Variants in RSPO3 observed in about 807,000 individuals in gnomAD.
RSPO3 encodes R-spondin-3.
In RSPO3, 17 loss-of-function variants were observed where a neutral mutation model predicts 36.5. The observed-to-expected ratio is 0.47, with a 90% CI of 0.32 to 0.70. RSPO3 has a LOEUF of 0.70. Ranked by LOEUF, RSPO3 falls within the 30% of genes least tolerant of loss-of-function variation. RSPO3 has a pLI of 0.04. For synonymous variants in RSPO3, 108 were observed against 107.0 expected, an observed-to-expected ratio of 1.01 and a Z score of -0.06; for missense variants, 294 against 322.5, an observed-to-expected ratio of 0.91 and a Z score of 0.68.
Position 127,155,455 on chromosome 6 carries a change from A to T in RSPO3, c.634+17A>T. ...GAGAACGAGGTACAATCATAATAAC[A>T]AAATGTGCTTGTTTGAATCCTCATA... On this transcript the variant is annotated intron_variant, in intron 4 of 4. Transcript: ENST00000356698. 1 of 1,604,792 alleles carries T rather than the reference A, an allele frequency of 6.2e-7. No individual in the cohort carries two copies. The highest frequency in any genetic ancestry group is 8.5e-7 in the Non-Finnish European group (1 of 1,172,644).
At chr6:127,174,500 T>C (rs1358470423) in intron 4 of RSPO3, among the ~76,000 whole-genome samples, 2 of 151,882 alleles carry the variant, frequency 1.3e-5, no homozygotes, top group Non-Finnish European at 2.9e-5. Context: ...GTTTTTAAAA[T>C]CAGGGTAATA....
chr6:127,191,078 C>A (rs1775400739), intron 4 of RSPO3, among the ~76,000 whole-genome samples: 1 of 152,094 alleles, frequency 6.6e-6, no homozygotes, highest in Non-Finnish European at 1.5e-5. Context: ...TTCATATATG[C>A]ACTTGAACAG....
chr6:127,186,533 T>A (rs1775298337), intron 4 of RSPO3, among the ~76,000 whole-genome samples: 1 of 152,042 alleles, frequency 6.6e-6, no homozygotes, highest in Non-Finnish European at 1.5e-5. Flanking sequence ...TACTGGAATA[T>A]GTGTTATTGG....
intron 3 of RSPO3, among the ~76,000 whole-genome samples, chr6:127,153,333 CT>C (rs536926125): frequency 1.3e-3 from 195 of 148,098 alleles, no homozygotes; most frequent in Middle Eastern, 3.4e-3. Flanking sequence ...GTCTTTAGCA[CT>C]TTTTTTTTTC....
chr6:127,143,722 A>C (rs1021453780), intron 1 of RSPO3, among the ~76,000 whole-genome samples: 8 of 152,314 alleles, frequency 5.3e-5, no homozygotes, highest in Admixed American at 4.6e-4. Flanking sequence ...ATAACAACTT[A>C]CAATAGATGT....
chr6:127,189,807 T>C (rs1203067934), intron 4 of RSPO3, among the ~76,000 whole-genome samples: 1 of 152,108 alleles, frequency 6.6e-6, no homozygotes, highest in Non-Finnish European at 1.5e-5. Context: ...GGCAATAGAA[T>C]TCGTGTGTAA....
At chr6:127,155,480 A>C in intron 4 of RSPO3, 42 bp downstream of exon 4, 2 of 1,549,940 alleles carry the variant, frequency 1.3e-6, no homozygotes, top group Non-Finnish European at 1.8e-6. Flanking sequence ...GAATCCTCAT[A>C]ATCTGTTGCA....
chr6:127,158,728 C>T (rs1454909379), intron 4 of RSPO3, among the ~76,000 whole-genome samples: 25 of 151,916 alleles, frequency 1.6e-4, no homozygotes, highest in Admixed American at 1.6e-3. Context: ...TAAGTTAACC[C>T]AAGGAGATAA....
intron 1 of RSPO3, among the ~76,000 whole-genome samples, chr6:127,138,559 G>A (rs2114562405): frequency 6.6e-6 from 1 of 152,220 alleles, no homozygotes; most frequent in Admixed American, 6.5e-5. Flanking sequence ...TGCCTCTTGA[G>A]TTAAACAAAG....
chr6:127,192,239 T>A (rs767363390), intron 4 of RSPO3, among the ~76,000 whole-genome samples: 15 of 152,150 alleles, frequency 9.9e-5, no homozygotes, highest in Non-Finnish European at 1.0e-4. Flanking sequence ...CTAACTTATA[T>A]CCCCAGGTTT....
intron 4 of RSPO3, among the ~76,000 whole-genome samples, chr6:127,185,617 C>T (rs79715058): frequency 0.028 from 4,329 of 152,122 alleles, 118 homozygotes; most frequent in Middle Eastern, 0.12. Context: ...GAGTGAGACA[C>T]ATGATACGTG....
At chr6:127,168,355 G>A (rs1272243616) in intron 4 of RSPO3, among the ~76,000 whole-genome samples, 1 of 127,304 alleles carries the variant, frequency 7.9e-6, no homozygotes, top group Non-Finnish European at 1.8e-5. Flanking sequence ...GATGGCCAGT[G>A]ATGATGAGCA....
intron 4 of RSPO3, among the ~76,000 whole-genome samples, chr6:127,195,255 A>C (rs1004851667): frequency 5.9e-5 from 9 of 152,102 alleles, no homozygotes; most frequent in Non-Finnish European, 1.3e-4. Flanking sequence ...TGCAGCCTTG[A>C]CTTCCCAGGC....
chr6:127,133,672 T>A (rs1383041491), intron 1 of RSPO3, among the ~76,000 whole-genome samples: 2 of 152,236 alleles, frequency 1.3e-5, no homozygotes, highest in East Asian at 3.9e-4. Flanking sequence ...AGTTTAAGTT[T>A]CTTTTTGCAC....
At chr6:127,124,767 T>C (rs1012735135) in intron 1 of RSPO3, among the ~76,000 whole-genome samples, 1 of 152,122 alleles carries the variant, frequency 6.6e-6, no homozygotes, top group Non-Finnish European at 1.5e-5. Context: ...CTTTTCTGTT[T>C]CTTCAATTCT....
chr6:127,136,327 A>G (rs1255427211), intron 1 of RSPO3, among the ~76,000 whole-genome samples: 1 of 152,148 alleles, frequency 6.6e-6, no homozygotes, highest in Non-Finnish European at 1.5e-5. Flanking sequence ...AGTTACAATA[A>G]CCTGTTGCCC....
intron 1 of RSPO3, among the ~76,000 whole-genome samples, chr6:127,123,335 C>T (rs916869095): frequency 2.0e-5 from 3 of 152,112 alleles, no homozygotes; most frequent in Non-Finnish European, 4.4e-5. Context: ...CACTTGTCTA[C>T]GTTTCTCACC....
At chr6:127,123,791 T>A (rs1039742301) in intron 1 of RSPO3, among the ~76,000 whole-genome samples, 5 of 152,082 alleles carry the variant, frequency 3.3e-5, no homozygotes, top group Non-Finnish European at 5.9e-5. Context: ...CTTTACTAAG[T>A]CATTTCTCCA....
chr6:127,138,149 A>T (rs1774198912), intron 1 of RSPO3, among the ~76,000 whole-genome samples: 1 of 152,168 alleles, frequency 6.6e-6, no homozygotes, highest in South Asian at 2.1e-4. Context: ...ATTGTAAACA[A>T]GTAATCCAGG....
Sources: gnomAD v4.1 joint callset for allele counts (sites outside exome capture counted in the v4.1 genomes callset) on GRCh38, gnomAD v4.1.1 for gene constraint, MANE v1.5 for transcripts, NCBI Gene and HGNC (gene_info 2026-07-23, HGNC 2026-07-21) for gene names.